Variants in DTNA observed in about 807,000 individuals in gnomAD.
DTNA encodes dystrophin-related protein 3.
DTNA carries 43 observed loss-of-function variants against 100.7 expected under a neutral mutation model. That is an observed-to-expected ratio of 0.43 (90% CI 0.33 to 0.55). The LOEUF is 0.55. DTNA is among the 20% of genes least tolerant of loss of function. The probability of loss-of-function intolerance (pLI) is 0.04; values close to 1 mark genes in which losing one functional copy is unlikely to be tolerated. For missense variants in DTNA, 798 were observed against 953.9 expected, an observed-to-expected ratio of 0.84 and a Z score of 2.15; for synonymous variants, 349 against 347.9, an observed-to-expected ratio of 1.00 and a Z score of -0.04.
At chr18:34,841,497 G>C (rs1439489340) in intron 13 of DTNA, among the ~76,000 whole-genome samples, 1 of 152,106 alleles carries the variant, frequency 6.6e-6, no homozygotes, top group Non-Finnish European at 1.5e-5. Flanking sequence ...CAAGAGTTTT[G>C]TCTTCAGTCT....
At chr18:34,579,603 C>T (rs1426716711) in intron 1 of DTNA, among the ~76,000 whole-genome samples, 2 of 152,150 alleles carry the variant, frequency 1.3e-5, no homozygotes, top group African/African-American at 2.4e-5. Flanking sequence ...GATATTGCAT[C>T]GTCTTAAGGC....
intron 1 of DTNA, among the ~76,000 whole-genome samples, chr18:34,726,698 A>G (rs1276851947): frequency 5.3e-5 from 8 of 152,198 alleles, no homozygotes; most frequent in African/African-American, 1.7e-4. Context: ...CTCCACCTCC[A>G]TGGCTATGCA....
At chr18:34,793,073 A>G (rs1199744683) in intron 3 of DTNA, among the ~76,000 whole-genome samples, 5 of 152,226 alleles carry the variant, frequency 3.3e-5, no homozygotes. Context: ...ATTTCAAAAC[A>G]GTTAACACTA....
chr18:34,747,916 T>C (rs2091854866), intron 1 of DTNA, among the ~76,000 whole-genome samples: 1 of 152,226 alleles, frequency 6.6e-6, no homozygotes, highest in Non-Finnish European at 1.5e-5. Context: ...TGTACTAGTT[T>C]ACATTCCCAG....
At chr18:34,724,421 A>C (rs1202321763) in intron 1 of DTNA, among the ~76,000 whole-genome samples, 1 of 152,252 alleles carries the variant, frequency 6.6e-6, no homozygotes, top group Non-Finnish European at 1.5e-5. Context: ...AAATTTATTG[A>C]ACAGCAGTTT....
intron 1 of DTNA, among the ~76,000 whole-genome samples, chr18:34,738,936 A>G (rs2090139301): frequency 6.6e-6 from 1 of 152,194 alleles, no homozygotes; most frequent in African/African-American, 2.4e-5. Context: ...TTTTAGATTC[A>G]GAGGGTATAT....
intron 1 of DTNA, among the ~76,000 whole-genome samples, chr18:34,530,932 C>CCCTCTCTCCT (rs955238061): frequency 6.6e-5 from 10 of 152,074 alleles, no homozygotes; most frequent in African/African-American, 2.4e-4. Context: ...CTTCTTCTTC[C>CCCTCTCTCCT]CCTCTCTCCT....
At chr18:34,800,187 C>T (rs1444019000) in intron 4 of DTNA, among the ~76,000 whole-genome samples, 1 of 152,176 alleles carries the variant, frequency 6.6e-6, no homozygotes, top group African/African-American at 2.4e-5. Flanking sequence ...TTGCTTCTCA[C>T]TTGTGCATTC....
intron 1 of DTNA, among the ~76,000 whole-genome samples, chr18:34,564,460 A>C (rs950072667): frequency 6.6e-6 from 1 of 152,184 alleles, no homozygotes; most frequent in Admixed American, 6.5e-5. Context: ...CTTTTGAAGG[A>C]TCTTTGAAGA....
chr18:34,708,781 C>T (rs1301197482), upstream of DTNA, among the ~76,000 whole-genome samples: 6 of 152,208 alleles, frequency 3.9e-5, no homozygotes, highest in Non-Finnish European at 8.8e-5. Flanking sequence ...CACATATTGA[C>T]TAAATAATAC....
intron 1 of DTNA, chr18:34,493,806 G>A (rs1218820453): frequency 2.0e-5 from 3 of 148,878 alleles, no homozygotes; most frequent in Non-Finnish European, 4.5e-5. Flanking sequence ...AGCGGGCGGA[G>A]AGCGCCGGCG....
intron 16 of DTNA, among the ~76,000 whole-genome samples, chr18:34,861,087 C>A (rs1568817586): frequency 6.6e-6 from 1 of 151,950 alleles, no homozygotes; most frequent in Non-Finnish European, 1.5e-5. Flanking sequence ...TCTTGTATAA[C>A]CATGATACCA....
chr18:34,875,460 A>T, intron 18 of DTNA, 62 bp downstream of exon 18: 1 of 1,611,488 alleles, frequency 6.2e-7, no homozygotes, highest in Non-Finnish European at 8.5e-7. Flanking sequence ...ACCAAGGTCT[A>T]TTGAGTGGTC....
chr18:34,807,857 T>C (rs1158242780), intron 5 of DTNA, among the ~76,000 whole-genome samples: 3 of 138,682 alleles, frequency 2.2e-5, no homozygotes, highest in Admixed American at 7.2e-5. Context: ...TTTTTTTTTC[T>C]TTTTTTTTTT....
chr18:34,715,016 A>G (rs958545844), intron 1 of DTNA, among the ~76,000 whole-genome samples: 3 of 136,338 alleles, frequency 2.2e-5, no homozygotes, highest in Admixed American at 1.6e-4. Context: ...ATGAGATCAC[A>G]TGGACACAGG....
chr18:34,870,448 G>A (rs1311239235), intron 17 of DTNA, among the ~76,000 whole-genome samples: 1 of 152,182 alleles, frequency 6.6e-6, no homozygotes, highest in Non-Finnish European at 1.5e-5. Context: ...AAGCGAGGGA[G>A]AGGGATAATT....
At chr18:34,569,934 A>G (rs2047431727) in intron 1 of DTNA, among the ~76,000 whole-genome samples, 1 of 152,074 alleles carries the variant, frequency 6.6e-6, no homozygotes, top group Admixed American at 6.6e-5. Flanking sequence ...ATATCACAGA[A>G]ACATTCAGAC....
chr18:34,626,187 A>T (rs2057301161), intron 1 of DTNA, among the ~76,000 whole-genome samples: 1 of 152,232 alleles, frequency 6.6e-6, no homozygotes, highest in South Asian at 2.1e-4. Flanking sequence ...CATCAGACAC[A>T]TACAGAGAAC....
chr18:34,636,178 C>T (rs1004449438), intron 1 of DTNA, among the ~76,000 whole-genome samples: 12 of 152,216 alleles, frequency 7.9e-5, no homozygotes, highest in Non-Finnish European at 1.8e-4. Context: ...CAAAGTCTCA[C>T]TCTGTCACCC....
Sources: allele counts gnomAD v4.1 joint callset (sites outside exome capture counted in the v4.1 genomes callset), GRCh38; gene constraint gnomAD v4.1.1; transcripts MANE v1.5; gene names NCBI Gene and HGNC (gene_info 2026-07-23, HGNC 2026-07-21).